The following DHRS7B variants were observed in gnomAD, a reference collection of about 807,000 sequenced individuals.
DHRS7B encodes the protein peroxisomal reductase activating PPAR-gamma.
Under a neutral mutation model 26.4 loss-of-function variants are expected in DHRS7B, and 24 were observed. The observed-to-expected ratio is 0.91, with a 90% CI of 0.66 to 1.28. DHRS7B has a LOEUF of 1.28. DHRS7B is among the 50% of genes most tolerant of loss of function. The pLI is 0.00. For missense variants in DHRS7B, 368 were observed against 419.4 expected, an observed-to-expected ratio of 0.88 and a Z score of 1.07; for synonymous variants, 142 against 166.4, an observed-to-expected ratio of 0.85 and a Z score of 1.13.
intron 2 of DHRS7B, among the ~76,000 whole-genome samples, chr17:21,177,368 C>G (rs1974404875): frequency 6.6e-6 from 1 of 152,146 alleles, no homozygotes; most frequent in Non-Finnish European, 1.5e-5. Context: ...TTGCTTTGCC[C>G]CAGTGTGAGT....
intron 2 of DHRS7B, 28 bp downstream of exon 2, chr17:21,172,224 G>T: frequency 6.3e-7 from 1 of 1,590,824 alleles, no homozygotes. Flanking sequence ...TGCTGCCAGG[G>T]GGCGGGGGTA....
chr17:21,139,683 A>T (rs117407651), intron 1 of DHRS7B, among the ~76,000 whole-genome samples: 8,306 of 152,140 alleles, frequency 0.055, 269 homozygotes, highest in Middle Eastern at 0.099. Flanking sequence ...TCAAAAAAAA[A>T]AAATAAATAA....
chr17:21,170,842 C>T (rs1433997100), intron 1 of DHRS7B, among the ~76,000 whole-genome samples: 2 of 129,184 alleles, frequency 1.5e-5, no homozygotes, highest in African/African-American at 6.0e-5. Flanking sequence ...TTGATGTCCT[C>T]TTACGAAAGG....
intron 1 of DHRS7B, among the ~76,000 whole-genome samples, chr17:21,137,295 C>CTTCT (rs1973366463): frequency 9.2e-6 from 1 of 108,222 alleles, no homozygotes; most frequent in Non-Finnish European, 1.9e-5. Context: ...TCTTTTTTGT[C>CTTCT]TTTTTTTTTT....
At chr17:21,175,313 A>G (rs1974350681) in intron 2 of DHRS7B, among the ~76,000 whole-genome samples, 1 of 152,234 alleles carries the variant, frequency 6.6e-6, no homozygotes, top group South Asian at 2.1e-4. Flanking sequence ...CTCTAAGGGC[A>G]GGCCTGTTCA....
intron 3 of DHRS7B, among the ~76,000 whole-genome samples, chr17:21,182,112 C>G (rs1974525989): frequency 6.6e-6 from 1 of 152,052 alleles, no homozygotes. Flanking sequence ...CTGGTCTAGT[C>G]CTAGTTTATT....
intron 2 of DHRS7B, 68 bp from the exon 3 acceptor site, chr17:21,178,165 G>T (rs1165176162): frequency 1.4e-6 from 2 of 1,477,370 alleles, no homozygotes; most frequent in Non-Finnish European, 1.9e-6. Context: ...AAACAGCAAC[G>T]CTGGGTGAAT....
chr17:21,133,373 G>A (rs1172641250), intron 1 of DHRS7B, among the ~76,000 whole-genome samples: 1 of 151,936 alleles, frequency 6.6e-6, no homozygotes, highest in Non-Finnish European at 1.5e-5. Context: ...TATGTAAGAA[G>A]TACTTTAATT....
At chr17:21,183,344 T>C (rs941872189) in intron 3 of DHRS7B, among the ~76,000 whole-genome samples, 6 of 152,346 alleles carry the variant, frequency 3.9e-5, no homozygotes, top group Non-Finnish European at 7.4e-5. Context: ...TTTGTTGATC[T>C]TTTCAAAGAA....
At chr17:21,162,842 A>G (rs183355215) in intron 1 of DHRS7B, among the ~76,000 whole-genome samples, 1 of 152,328 alleles carries the variant, frequency 6.6e-6, no homozygotes, top group Admixed American at 6.5e-5. Context: ...AGTGTTTTCT[A>G]TAATGAAGGC....
intron 3 of DHRS7B, among the ~76,000 whole-genome samples, chr17:21,179,599 CA>C (rs1461166536): frequency 6.7e-6 from 1 of 150,236 alleles, no homozygotes; most frequent in African/African-American, 2.4e-5. Context: ...GACTCTGTCT[CA>C]AAAAAAAGAG....
chr17:21,141,270 G>A (rs1403593127), intron 1 of DHRS7B, among the ~76,000 whole-genome samples: 3 of 152,046 alleles, frequency 2.0e-5, no homozygotes, highest in Admixed American at 2.0e-4. Flanking sequence ...CTTCTCAACT[G>A]ACAAAACTCA....
chr17:21,157,945 A>G (rs1973916202), intron 1 of DHRS7B, among the ~76,000 whole-genome samples: 1 of 147,516 alleles, frequency 6.8e-6, no homozygotes, highest in Admixed American at 6.8e-5. Context: ...ACCCTGTCTG[A>G]AAAAAAAAAA....
At chr17:21,168,606 C>A in intron 1 of DHRS7B, 2 of 492,850 alleles carry the variant, frequency 4.1e-6, no homozygotes, top group Non-Finnish European at 5.3e-6. Context: ...CAGGCTGAAG[C>A]GATCCCCCTA....
chr17:21,176,750 G>C (rs571671292), intron 2 of DHRS7B, among the ~76,000 whole-genome samples: 28 of 151,992 alleles, frequency 1.8e-4, no homozygotes, highest in African/African-American at 6.3e-4. Context: ...GTTAAGGTAG[G>C]TAGTCTCTTA....
intron 1 of DHRS7B, among the ~76,000 whole-genome samples, chr17:21,144,790 C>T (rs1468980605): frequency 6.6e-6 from 1 of 152,086 alleles, no homozygotes; most frequent in African/African-American, 2.4e-5. Flanking sequence ...TGCCCTCCAG[C>T]CTGGGTGACA....
At chr17:21,138,129 C>CACACACACACACACACAT (rs1429452660) in intron 1 of DHRS7B, among the ~76,000 whole-genome samples, 16 of 140,012 alleles carry the variant, frequency 1.1e-4, no homozygotes, top group African/African-American at 4.1e-4. Flanking sequence ...CACACACACA[C>CACACACACACACACACAT]ACATATATTT....
intron 1 of DHRS7B, among the ~76,000 whole-genome samples, chr17:21,149,338 C>G (rs1376817895): frequency 1.3e-5 from 2 of 152,148 alleles, no homozygotes. Context: ...GCCACTAAAC[C>G]CATCTTACAA....
At chr17:21,166,430 T>A (rs951286227) in intron 1 of DHRS7B, 11 of 984,864 alleles carry the variant, frequency 1.1e-5, no homozygotes, top group South Asian at 4.7e-5. Flanking sequence ...GAGAAGACAC[T>A]GGCGCCAGGA....
Sources: allele counts gnomAD v4.1 joint callset (sites outside exome capture counted in the v4.1 genomes callset), GRCh38; gene constraint gnomAD v4.1.1; transcripts MANE v1.5; gene names NCBI Gene and HGNC (gene_info 2026-07-23, HGNC 2026-07-21).